KCNIP1: variants seen among roughly 807,000 people sequenced by gnomAD.
KCNIP1 encodes potassium voltage-gated channel interacting protein 1, also known as A-type potassium channel modulatory protein KCNIP1.
A neutral mutation model predicts 33.0 loss-of-function variants in KCNIP1; 18 were observed. The ratio of observed to expected loss-of-function variants is 0.55; its 90% confidence interval spans 0.38 to 0.81. The LOEUF (loss-of-function observed/expected upper bound fraction) is 0.81, where lower values mean the gene tolerates loss of function less well. KCNIP1 is among the 30% of genes least tolerant of loss of function. The pLI, the probability that KCNIP1 is intolerant of heterozygous loss-of-function variation, is 0.00. For synonymous variants in KCNIP1, 93 were observed against 98.3 expected (o/e 0.95, Z 0.32); for missense variants, 238 against 271.6 (o/e 0.88, Z 0.87).
intron 1 of KCNIP1, among the ~76,000 whole-genome samples, chr5:170,598,902 C>T (rs373724468): frequency 0.022 from 1,106 of 50,432 alleles, 15 homozygotes; most frequent in Middle Eastern, 0.062. Context: ...TGTGTGTGTG[C>T]GCGTGTGTGT....
At chr5:170,360,768 C>T (rs982766323) in intron 1 of KCNIP1, among the ~76,000 whole-genome samples, 2 of 152,190 alleles carry the variant, frequency 1.3e-5, no homozygotes, top group South Asian at 2.1e-4. Flanking sequence ...CCTGTGAAAG[C>T]GTTCACCACG....
chr5:170,566,391 C>T (rs1757206932), intron 1 of KCNIP1, among the ~76,000 whole-genome samples: 1 of 152,190 alleles, frequency 6.6e-6, no homozygotes, highest in South Asian at 2.1e-4. Context: ...CCGCGCCCGG[C>T]CAACTATCCG....
chr5:170,699,035 C>T (rs1432516920), intron 1 of KCNIP1, among the ~76,000 whole-genome samples: 2 of 152,140 alleles, frequency 1.3e-5, no homozygotes, highest in Admixed American at 6.5e-5. Context: ...CTTCCACATC[C>T]ATCCCAGGGC....
At chr5:170,505,602 A>G (rs1254276281) in intron 1 of KCNIP1, among the ~76,000 whole-genome samples, 2 of 152,188 alleles carry the variant, frequency 1.3e-5, no homozygotes, top group African/African-American at 2.4e-5. Context: ...CCTACCCTAC[A>G]GGCCTGATAG....
chr5:170,566,644 T>C (rs1757215566), intron 1 of KCNIP1, among the ~76,000 whole-genome samples: 1 of 152,154 alleles, frequency 6.6e-6, no homozygotes, highest in African/African-American at 2.4e-5. Context: ...GTAAACAGCA[T>C]TGGTTTCTGT....
chr5:170,400,553 C>T (rs1972058), intron 1 of KCNIP1, among the ~76,000 whole-genome samples: 51,054 of 152,090 alleles, frequency 0.34, 9,633 homozygotes, highest in African/African-American at 0.53. Flanking sequence ...TATCATTCCT[C>T]TTTGTAGAAT....
At chr5:170,589,245 C>T (rs1050661889) in intron 1 of KCNIP1, among the ~76,000 whole-genome samples, 8 of 152,092 alleles carry the variant, frequency 5.3e-5, no homozygotes, top group Non-Finnish European at 1.0e-4. Context: ...TTGATCCACC[C>T]GCCTCGGCCT....
chr5:170,639,757 G>C (rs923331737), intron 1 of KCNIP1, among the ~76,000 whole-genome samples: 3 of 152,120 alleles, frequency 2.0e-5, no homozygotes, highest in Admixed American at 2.0e-4. Context: ...GCTCTCCCAG[G>C]TGTAGCACTG....
intron 1 of KCNIP1, among the ~76,000 whole-genome samples, chr5:170,601,866 C>A (rs1758708166): frequency 6.6e-6 from 1 of 152,152 alleles, no homozygotes; most frequent in Admixed American, 6.5e-5. Context: ...AGAGGCAGGA[C>A]CTGTCTGGAG....
chr5:170,731,051 A>G (rs1302799743), intron 5 of KCNIP1, among the ~76,000 whole-genome samples: 9 of 152,230 alleles, frequency 5.9e-5, no homozygotes, highest in Admixed American at 3.9e-4. Flanking sequence ...ATTGTAATTA[A>G]TAAGTATAGA....
At chr5:170,723,246 T>G (rs1763893119) in intron 5 of KCNIP1, among the ~76,000 whole-genome samples, 1 of 152,214 alleles carries the variant, frequency 6.6e-6, no homozygotes, top group Non-Finnish European at 1.5e-5. Context: ...TGGGTCATAT[T>G]GGCCTTAAAC....
chr5:170,377,030 C>A (rs554002353), intron 1 of KCNIP1: 3 of 152,260 alleles, frequency 2.0e-5, no homozygotes, highest in Admixed American at 6.5e-5. Flanking sequence ...GAGATGAAAT[C>A]GGGCAGAGTA....
At chr5:170,398,605 T>A (rs1257960205) in intron 1 of KCNIP1, among the ~76,000 whole-genome samples, 1 of 152,240 alleles carries the variant, frequency 6.6e-6, no homozygotes, top group Non-Finnish European at 1.5e-5. Context: ...AATATTTTAT[T>A]TGTCCCAAAT....
At chr5:170,479,295 A>T (rs2113159090) in intron 1 of KCNIP1, among the ~76,000 whole-genome samples, 1 of 152,336 alleles carries the variant, frequency 6.6e-6, no homozygotes, top group East Asian at 1.9e-4. Flanking sequence ...ACTGGGGGAG[A>T]GGTTAGGACT....
intron 1 of KCNIP1, among the ~76,000 whole-genome samples, chr5:170,582,509 C>G (rs1302700699): frequency 2.0e-5 from 3 of 152,172 alleles, no homozygotes; most frequent in Non-Finnish European, 4.4e-5. Flanking sequence ...ATGTTAGAAC[C>G]TTTCCAGGCA....
intron 5 of KCNIP1, among the ~76,000 whole-genome samples, chr5:170,727,460 T>C (rs1220376127): frequency 6.6e-6 from 1 of 152,222 alleles, no homozygotes; most frequent in African/African-American, 2.4e-5. Flanking sequence ...AAGTAAATTA[T>C]GCTCCAATAA....
At chr5:170,394,336 A>G (rs1224885322) in intron 1 of KCNIP1, among the ~76,000 whole-genome samples, 1 of 152,176 alleles carries the variant, frequency 6.6e-6, no homozygotes, top group Non-Finnish European at 1.5e-5. Flanking sequence ...TGCATCCTCC[A>G]TTAACATGTC....
chr5:170,726,869 C>A (rs964031598), intron 5 of KCNIP1, among the ~76,000 whole-genome samples: 1 of 151,696 alleles, frequency 6.6e-6, no homozygotes, highest in South Asian at 2.1e-4. Flanking sequence ...TGAGATTGCA[C>A]CACTGCACTC....
At chr5:170,644,286 CAT>C (rs1158294654) in intron 1 of KCNIP1, among the ~76,000 whole-genome samples, 2 of 152,246 alleles carry the variant, frequency 1.3e-5, no homozygotes, top group Non-Finnish European at 2.9e-5. Flanking sequence ...TCCCTGCCCT[CAT>C]AGAGTGGCCT....
Sources: allele counts gnomAD v4.1 joint callset (sites outside exome capture counted in the v4.1 genomes callset), GRCh38; gene constraint gnomAD v4.1.1; transcripts MANE v1.5; gene names NCBI Gene and HGNC (gene_info 2026-07-23, HGNC 2026-07-21).